Variants in PDGFC observed in about 807,000 individuals in gnomAD.
The protein encoded by PDGFC is platelet derived growth factor C, also known as platelet-derived growth factor C.
PDGFC carries 12 observed loss-of-function variants against 35.5 expected under a neutral mutation model. The ratio of observed to expected loss-of-function variants is 0.34; its 90% CI spans 0.22 to 0.55. The LOEUF (loss-of-function observed/expected upper bound fraction) is 0.55. Among genes scored for constraint, PDGFC ranks in the 20% least tolerant of loss-of-function variants. The pLI, the probability that PDGFC is intolerant of heterozygous loss-of-function variation, is 0.91. For synonymous variants in PDGFC, 159 were observed against 148.8 expected (o/e 1.07, Z -0.50); for missense variants, 322 against 412.4 (o/e 0.78, Z 1.90).
chr4:156,905,306 T>C (rs1305856746), intron 1 of PDGFC, among the ~76,000 whole-genome samples: 3 of 152,136 alleles, frequency 2.0e-5, no homozygotes, highest in Non-Finnish European at 2.9e-5. Flanking sequence ...TGACAGACAC[T>C]GTTTTTGATG....
rs116588527 is a variant in PDGFC at position 156,922,746 on chromosome 4, G to A, written c.118+48040C>T. Among the ~76,000 whole-genome samples the A allele has an allele frequency of 2.4e-3, 372 of 152,234 alleles. 1 individual carries two copies. Among genetic ancestry groups the A allele is most frequent in the African/African-American group, 8.5e-3 (355 of 41,528 alleles). Reference sequence around the variant, plus strand: ...ATGAGATGCTGTTGGGTTGGGGGTCGGGGGGTGTTCCACATGAGCCAGTGA... The same window carrying A: ...ATGAGATGCTGTTGGGTTGGGGGTCAGGGGGTGTTCCACATGAGCCAGTGA... On this transcript the variant is annotated intron_variant, in intron 1 of 5. Coordinates refer to ENST00000502773, the MANE Select transcript of PDGFC (RefSeq NM_016205.3).
chr4:156,932,679 A>T (rs113899555), intron 1 of PDGFC, among the ~76,000 whole-genome samples: 35,195 of 145,080 alleles, frequency 0.24, 4,807 homozygotes, highest in Admixed American at 0.36. Context: ...TCTCACTCAC[A>T]GGTGGGAATT....
chr4:156,824,409 T>C (rs886227598), intron 2 of PDGFC, among the ~76,000 whole-genome samples: 2 of 150,302 alleles, frequency 1.3e-5, no homozygotes, highest in Admixed American at 6.7e-5. Flanking sequence ...TACACACATA[T>C]ATACACACAC....
chr4:156,890,737 T>C (rs753133409), intron 1 of PDGFC, among the ~76,000 whole-genome samples: 27 of 152,198 alleles, frequency 1.8e-4, no homozygotes, highest in Non-Finnish European at 3.4e-4. Context: ...AAAATGCTAA[T>C]ATAAAAAATC....
At chr4:156,833,493 G>A (rs1172285778) in intron 2 of PDGFC, among the ~76,000 whole-genome samples, 1 of 152,130 alleles carries the variant, frequency 6.6e-6, no homozygotes, top group Non-Finnish European at 1.5e-5. Flanking sequence ...GTTATGTGCT[G>A]TAAACCACAT....
At chr4:156,931,234 T>C (rs1731542661) in intron 1 of PDGFC, among the ~76,000 whole-genome samples, 1 of 152,214 alleles carries the variant, frequency 6.6e-6, no homozygotes, top group African/African-American at 2.4e-5. Context: ...GTATTTCCTG[T>C]TATTAAAACT....
chr4:156,834,871 T>C (rs1226520158), intron 2 of PDGFC, among the ~76,000 whole-genome samples: 1 of 151,996 alleles, frequency 6.6e-6, no homozygotes, highest in African/African-American at 2.4e-5. Context: ...TGGGTTCCAC[T>C]GCAATGAGCA....
At position 156,971,394 on chromosome 4, in the gene PDGFC, C is replaced by A. The variant is rs1252236764; in HGVS notation, c.-491G>T. On this transcript the variant is annotated 5_prime_UTR_variant, in exon 1 of 6. Coordinates refer to ENST00000502773, the MANE Select transcript of PDGFC (RefSeq NM_016205.3). ...CTGCCAATAGATGCGGCTCTCCGGG[C>A]GCCCCTCTCCCCCGCCCCACCCCCC... 1.0e-5 allele frequency: 4 copies of A among 394,514 alleles called. No homozygotes were observed. Among genetic ancestry groups the A allele is most frequent in the South Asian group, 1.3e-4 (1 of 7,786 alleles). 24.4% of individuals were successfully genotyped at this position (394,514 alleles called of 1,614,324 possible).
At chr4:156,918,988 G>T (rs964963073) in intron 1 of PDGFC, among the ~76,000 whole-genome samples, 1 of 152,048 alleles carries the variant, frequency 6.6e-6, no homozygotes, top group Non-Finnish European at 1.5e-5. Flanking sequence ...TTTACAACAC[G>T]ACTTACCAAG....
chr4:156,914,861 A>G (rs1691475401), intron 1 of PDGFC, among the ~76,000 whole-genome samples: 1 of 126,570 alleles, frequency 7.9e-6, no homozygotes, highest in South Asian at 2.3e-4. Context: ...GAACCAGTCT[A>G]TAAATACTAT....
rs558976849 is a variant in PDGFC at position 156,874,165 on chromosome 4, T to C, written c.119-23749A>G. Among the ~76,000 whole-genome samples, 306 of 152,332 alleles carry C rather than the reference T, an allele frequency of 2.0e-3. 3 individuals are homozygous for C. The highest frequency in any genetic ancestry group is 7.2e-3 in the African/African-American group (301 of 41,576). On this transcript the variant is annotated intron_variant, in intron 1 of 5. Transcript: ENST00000502773. ...AAACAGCTTTGAACATTATCTCTGA[T>C]ACGTGACATTAACTTATGGGATGTT...
chr4:156,800,333 T>C (rs1232847210), intron 3 of PDGFC, among the ~76,000 whole-genome samples: 1 of 152,160 alleles, frequency 6.6e-6, no homozygotes, highest in Admixed American at 6.5e-5. Context: ...TATATAACAC[T>C]AATCATACTT....
intron 1 of PDGFC, among the ~76,000 whole-genome samples, chr4:156,870,359 T>C (rs945583109): frequency 1.3e-5 from 2 of 152,136 alleles, no homozygotes; most frequent in Non-Finnish European, 2.9e-5. Flanking sequence ...TCTTAAAGTG[T>C]TTCAAAACAG....
chr4:156,823,657 C>A (rs1244504535), intron 2 of PDGFC, among the ~76,000 whole-genome samples: 1 of 152,104 alleles, frequency 6.6e-6, no homozygotes, highest in Non-Finnish European at 1.5e-5. Context: ...ACTAGTACAG[C>A]CATTGTGCAA....
intron 2 of PDGFC, among the ~76,000 whole-genome samples, chr4:156,836,179 C>T (rs1411785093): frequency 1.3e-5 from 2 of 152,094 alleles, no homozygotes; most frequent in African/African-American, 2.4e-5. Context: ...CCTTCATTTC[C>T]CACCTTTGCA....
intron 1 of PDGFC, among the ~76,000 whole-genome samples, chr4:156,958,128 C>T (rs573201642): frequency 6.6e-6 from 1 of 152,126 alleles, no homozygotes; most frequent in East Asian, 1.9e-4. Context: ...TGCATGTCTT[C>T]TCTCTCCCTT....
rs149843111 is a variant in PDGFC, at chr4:156,763,522, C to T, written c.922-316G>A. Among the ~76,000 whole-genome samples the T allele has an allele frequency of 8.2e-3, 1,243 of 152,272 alleles. 8 individuals carry two copies. Among genetic ancestry groups the T allele is most frequent in the Middle Eastern group, 0.024 (7 of 294 alleles). ...TTTATCTGACTATTTTAGAATTTCA[C>T]CTTAAGTATTTTGGAACTACCAATA... On this transcript the variant is annotated intron_variant, in intron 5 of 5. Coordinates refer to ENST00000502773, the MANE Select transcript of PDGFC (RefSeq NM_016205.3).
At position 156,763,010 on chromosome 4, in the gene PDGFC, G is replaced by A; in HGVS notation, c.*80C>T. The A allele has an allele frequency of 2.7e-6, 2 of 744,950 alleles. No homozygotes were observed. The highest frequency in any genetic ancestry group is 1.5e-5 in the South Asian group (1 of 66,746). 46.1% of individuals were successfully genotyped at this position (744,950 alleles called of 1,614,324 possible). ...GAAGCAAACAACTGAGATTAAGGATGGAGATAACGCATACGTTCTCTAATA... is the reference window on the plus strand; with the variant it reads ...GAAGCAAACAACTGAGATTAAGGATAGAGATAACGCATACGTTCTCTAATA... On this transcript the variant is annotated 3_prime_UTR_variant, in exon 6 of 6. Transcript: ENST00000502773.
At chr4:156,850,779 G>A (rs1254679237) in intron 1 of PDGFC, among the ~76,000 whole-genome samples, 2 of 151,778 alleles carry the variant, frequency 1.3e-5, no homozygotes, top group Admixed American at 1.3e-4. Flanking sequence ...AAATACACTA[G>A]ATATAATTCT....
Sources: gnomAD v4.1 joint callset for allele counts (sites outside exome capture counted in the v4.1 genomes callset) on GRCh38, gnomAD v4.1.1 for gene constraint, MANE v1.5 for transcripts, NCBI Gene and HGNC (gene_info 2026-07-23, HGNC 2026-07-21) for gene names.